AGBL1: variants seen among roughly 807,000 people sequenced by gnomAD.
The protein encoded by AGBL1 is cytosolic carboxypeptidase 4.
AGBL1 carries 130 observed loss-of-function variants against 118.9 expected under a neutral mutation model. The observed-to-expected ratio is 1.09, with a 90% confidence interval of 0.95 to 1.26. The LOEUF (loss-of-function observed/expected upper bound fraction) is 1.26. AGBL1 is among the 50% of genes most tolerant of loss of function. The pLI is 0.00. For missense variants in AGBL1, 1,584 were observed against 1,298.1 expected (o/e 1.22, Z -3.38); for synonymous variants, 555 against 478.9 (o/e 1.16, Z -2.08).
intron 5 of AGBL1, among the ~76,000 whole-genome samples, chr15:86,174,196 G>T (rs1030186801): frequency 1.9e-4 from 29 of 151,894 alleles, no homozygotes; most frequent in Non-Finnish European, 2.2e-4. Context: ...TAGGCATTTT[G>T]TTATTTTTTG....
intron 17 of AGBL1, among the ~76,000 whole-genome samples, chr15:86,354,532 T>A (rs1307028442): frequency 2.6e-5 from 4 of 152,164 alleles, no homozygotes; most frequent in East Asian, 1.9e-4. Flanking sequence ...GTTAAGCGGA[T>A]TTACAAACAT....
intron 17 of AGBL1, among the ~76,000 whole-genome samples, chr15:86,377,235 AT>A (rs1174598112): frequency 2.2e-4 from 34 of 152,204 alleles, no homozygotes; most frequent in African/African-American, 6.8e-4. Context: ...AAATCTATTA[AT>A]TTATAATTAA....
chr15:86,373,124 T>C (rs2080992957), intron 17 of AGBL1, among the ~76,000 whole-genome samples: 1 of 152,202 alleles, frequency 6.6e-6, no homozygotes, highest in African/African-American at 2.4e-5. Flanking sequence ...GGTCATTACC[T>C]TTACAAATAT....
At chr15:86,790,068 T>G (rs1458521582) in intron 22 of AGBL1, among the ~76,000 whole-genome samples, 1 of 152,178 alleles carries the variant, frequency 6.6e-6, no homozygotes, top group East Asian at 1.9e-4. Context: ...TGATGCATTC[T>G]CATTACTTAT....
At chr15:86,627,162 A>G (rs7166679) in intron 21 of AGBL1, among the ~76,000 whole-genome samples, 87,390 of 151,866 alleles carry the variant, frequency 0.58, 25,299 homozygotes, top group Middle Eastern at 0.64. Context: ...CACCACCCCC[A>G]GCTAATTTTG....
rs1404234410 is a variant in AGBL1, at chr15:86,913,505, A to G, written c.*6211A>G. ...AGAGAACACAGTCTATGAGAGAATT[A>G]CCAAATGAGCCACATTTAGTTCTTA... is the stretch of plus-strand genomic sequence containing the variant. On this transcript the variant is annotated 3_prime_UTR_variant, in exon 23 of 23. Coordinates refer to ENST00000614907, the MANE Select transcript of AGBL1 (RefSeq NM_001386094.1). 6.6e-6 allele frequency: 1 copy of G among 152,202 alleles called. No homozygotes were observed. Among genetic ancestry groups the G allele is most frequent in the Non-Finnish European group, 1.5e-5 (1 of 68,050 alleles). The allele number at this position is 152,202 out of a possible 1,614,324, so 9.4% of individuals were successfully genotyped here.
intron 3 of AGBL1, 62 bp downstream of exon 3, chr15:86,143,907 T>C (rs2076998589): frequency 6.4e-7 from 1 of 1,565,930 alleles, no homozygotes; most frequent in Non-Finnish European, 8.7e-7. Flanking sequence ...TTATCATGAG[T>C]GCAATTTGGG....
rs772833534 is a variant in AGBL1, at chr15:86,222,649, A to G, written c.489-2265A>G. On this transcript the variant is annotated intron_variant, in intron 5 of 22. Coordinates refer to ENST00000614907, the MANE Select transcript of AGBL1 (RefSeq NM_001386094.1). ...CCCTAAATGTGCCCTTTGCTGCACT[A>G]AACATTGATCTCCTACTTATGCCCT... 4.3e-4 allele frequency among the ~76,000 whole-genome samples: 65 copies of G among 152,310 alleles called. 2 individuals are homozygous for G. The highest frequency in any genetic ancestry group is 3.4e-3 in the Middle Eastern group (1 of 294).
At chr15:86,540,693 T>C (rs1349901743) in intron 19 of AGBL1, among the ~76,000 whole-genome samples, 2 of 152,194 alleles carry the variant, frequency 1.3e-5, no homozygotes, top group African/African-American at 4.8e-5. Context: ...TTAAATCTTA[T>C]GGTAGAAAAG....
In AGBL1 at chr15:86,842,863, A is replaced by T. The variant is rs145733953; in HGVS notation, c.3159-64224A>T. On this transcript the variant is annotated intron_variant, in intron 22 of 22. Coordinates refer to ENST00000614907, the MANE Select transcript of AGBL1 (RefSeq NM_001386094.1). ...TGATGCCTGCAATTCAGTCAGAGGT[A>T]TAGTCTTCCTAATTGTCTTTAGCGG... is the stretch of plus-strand genomic sequence containing the variant. 3.8e-3 allele frequency among the ~76,000 whole-genome samples: 585 copies of T among 152,258 alleles called. 3 individuals carry two copies. The highest frequency in any genetic ancestry group is 0.01 in the South Asian group (50 of 4,824).
chr15:86,794,399 C>T (rs914831046), intron 22 of AGBL1, among the ~76,000 whole-genome samples: 13 of 152,132 alleles, frequency 8.5e-5, no homozygotes, highest in African/African-American at 3.1e-4. Flanking sequence ...CCAAAATAGG[C>T]AAATCCACAG....
intron 23 of AGBL1, among the ~76,000 whole-genome samples, chr15:86,927,740 A>G (rs983774188): frequency 1.3e-5 from 2 of 152,220 alleles, no homozygotes; most frequent in Non-Finnish European, 2.9e-5. Flanking sequence ...ATGTGCCAGC[A>G]TACTAGAAAT....
rs555088890 is a variant in AGBL1, at chr15:86,793,560, A to G, written c.3159-113527A>G. ...AATCTTCATGACATTATATTTCACA[A>G]TTTGTTTTTAAAATATGATAGCAGA... On this transcript the variant is annotated intron_variant, in intron 22 of 22. Transcript: ENST00000614907. Among the ~76,000 whole-genome samples, 280 of 152,344 alleles carry G rather than the reference A, an allele frequency of 1.8e-3. 2 individuals are homozygous for G. Among genetic ancestry groups the G allele is most frequent in the Non-Finnish European group, 1.8e-3 (121 of 68,030 alleles).
intron 22 of AGBL1, among the ~76,000 whole-genome samples, chr15:86,857,093 A>G (rs1026717284): frequency 5.3e-5 from 8 of 152,158 alleles, no homozygotes; most frequent in Non-Finnish European, 1.0e-4. Flanking sequence ...CATTGTTTCT[A>G]TGACCAATTT....
intron 21 of AGBL1, among the ~76,000 whole-genome samples, chr15:86,588,274 T>A (rs1313280484): frequency 1.3e-5 from 2 of 152,200 alleles, no homozygotes; most frequent in Non-Finnish European, 2.9e-5. Flanking sequence ...GAAGTTATAT[T>A]TAGAGAGCCT....
At chr15:86,239,198 C>G (rs28575209) in intron 6 of AGBL1, among the ~76,000 whole-genome samples, 5,866 of 152,106 alleles carry the variant, frequency 0.039, 356 homozygotes, top group African/African-American at 0.13. Flanking sequence ...GTCCCGGTTT[C>G]TGGAGCTTCG....
chr15:86,873,979 T>C (rs918161762), intron 22 of AGBL1, among the ~76,000 whole-genome samples: 3 of 152,196 alleles, frequency 2.0e-5, no homozygotes, highest in African/African-American at 7.2e-5. Flanking sequence ...CTCTATTACC[T>C]ATTAAGCCTG....
chr15:86,214,991 G>C (rs188790854), intron 5 of AGBL1, among the ~76,000 whole-genome samples: 3 of 152,142 alleles, frequency 2.0e-5, no homozygotes. Context: ...AGGGGAGGAG[G>C]TTCTTTGTTT....
chr15:86,940,436 C>CA (rs1164548287), intron 23 of AGBL1, among the ~76,000 whole-genome samples: 1 of 152,096 alleles, frequency 6.6e-6, no homozygotes, highest in African/African-American at 2.4e-5. Flanking sequence ...GGCACTCACT[C>CA]ATTGAATCAC....
Sources: allele counts gnomAD v4.1 joint callset (sites outside exome capture counted in the v4.1 genomes callset), GRCh38; gene constraint gnomAD v4.1.1; transcripts MANE v1.5; gene names NCBI Gene and HGNC (gene_info 2026-07-23, HGNC 2026-07-21).